TMEM135: variants seen among roughly 807,000 people sequenced by gnomAD.
The protein encoded by TMEM135 is peroxisomal membrane protein 52.
In TMEM135, 30 loss-of-function variants were observed where a neutral mutation model predicts 60.3. The ratio of observed to expected loss-of-function variants is 0.50; its 90% confidence interval spans 0.37 to 0.68. TMEM135 has a LOEUF of 0.68. Ranked by LOEUF, TMEM135 falls within the 30% of genes least tolerant of loss-of-function variation. The pLI, the probability that TMEM135 is intolerant of heterozygous loss-of-function variation, is 0.00. For missense variants in TMEM135, 468 were observed against 548.8 expected, an observed-to-expected ratio of 0.85 and a Z score of 1.47; for synonymous variants, 190 against 186.7, an observed-to-expected ratio of 1.02 and a Z score of -0.14.
In TMEM135 at chr11:87,326,860, C is replaced by T. The variant is rs1942919751; in HGVS notation, c.*5527C>T. 1 of 450,190 alleles carries T rather than the reference C, an allele frequency of 2.2e-6. No homozygotes were observed. The highest frequency in any genetic ancestry group is 1.6e-5 in the South Asian group (1 of 63,950). The allele number at this position is 450,190 out of a possible 1,614,324, so 27.9% of individuals were successfully genotyped here. On this transcript the variant is annotated 3_prime_UTR_variant, in exon 15 of 15. Transcript: ENST00000305494. ...TAAGGCTCTCTTCAGAACCAAAGGGCAGGATAAATAAATCTATGAAACTAG... is the reference window on the plus strand; with the variant it reads ...TAAGGCTCTCTTCAGAACCAAAGGGTAGGATAAATAAATCTATGAAACTAG...
At chr11:87,241,828 G>C (rs1350740989) in intron 6 of TMEM135, among the ~76,000 whole-genome samples, 1 of 137,342 alleles carries the variant, frequency 7.3e-6, no homozygotes, top group Non-Finnish European at 1.6e-5. Flanking sequence ...CCATGTTGCT[G>C]CAAATGACAG....
At chr11:87,154,999 A>ATTTT in intron 4 of TMEM135, among the ~76,000 whole-genome samples, 1 of 68,912 alleles carries the variant, frequency 1.5e-5, no homozygotes, top group South Asian at 5.6e-4. Flanking sequence ...TTATTTATTT[A>ATTTT]TTTATTTATT....
At chr11:87,244,765 C>G (rs1159618210) in intron 6 of TMEM135, among the ~76,000 whole-genome samples, 2 of 147,586 alleles carry the variant, frequency 1.4e-5, no homozygotes, top group African/African-American at 5.1e-5. Context: ...GTCTTGCTAG[C>G]GGTCTATCAA....
intron 5 of TMEM135, among the ~76,000 whole-genome samples, chr11:87,234,115 G>C (rs1472593896): frequency 6.6e-6 from 1 of 151,818 alleles, no homozygotes; most frequent in Admixed American, 6.6e-5. Context: ...TCCTTCCAGG[G>C]GCTCTATGCA....
At chr11:87,195,385 C>CTCTCTCTCTCT (rs1386243376) in intron 5 of TMEM135, among the ~76,000 whole-genome samples, 10 of 91,502 alleles carry the variant, frequency 1.1e-4, no homozygotes, top group African/African-American at 2.8e-4. Flanking sequence ...TTCCTTCCTT[C>CTCTCTCTCTCT]CTTCCTTCTC....
intron 4 of TMEM135, among the ~76,000 whole-genome samples, chr11:87,119,059 C>T (rs919190130): frequency 4.6e-5 from 7 of 152,214 alleles, no homozygotes; most frequent in Non-Finnish European, 2.9e-5. Context: ...CCTTTGAGAA[C>T]TTTCCTTTGC....
intron 5 of TMEM135, among the ~76,000 whole-genome samples, chr11:87,222,434 G>C: frequency 6.7e-6 from 1 of 149,898 alleles, no homozygotes; most frequent in South Asian, 2.1e-4. Flanking sequence ...GGGGGGCTGA[G>C]CTTGCAGTGA....
At chr11:87,147,891 A>G (rs996850176) in intron 4 of TMEM135, among the ~76,000 whole-genome samples, 1 of 152,102 alleles carries the variant, frequency 6.6e-6, no homozygotes, top group Non-Finnish European at 1.5e-5. Context: ...CCGAGTAGCC[A>G]GGACTACAGG....
At chr11:87,135,410 A>G (rs1046356384) in intron 4 of TMEM135, among the ~76,000 whole-genome samples, 5 of 151,906 alleles carry the variant, frequency 3.3e-5, no homozygotes, top group South Asian at 2.1e-4. Flanking sequence ...TTTTGTGTAA[A>G]GTATCGATCA....
At chr11:87,178,746 C>T (rs1272254062) in intron 5 of TMEM135, among the ~76,000 whole-genome samples, 1 of 151,924 alleles carries the variant, frequency 6.6e-6, no homozygotes, top group African/African-American at 2.4e-5. Flanking sequence ...TTTTGAGGTT[C>T]ATTCATATCA....
chr11:87,328,297 G>A lies in TMEM135; in HGVS notation c.*6964G>A, dbSNP rs1288215123. The A allele has an allele frequency of 4.4e-6, 2 of 453,836 alleles. No individual in the cohort carries two copies. The highest frequency in any genetic ancestry group is 4.7e-5 in the Admixed American group (2 of 42,546). The allele number at this position is 453,836 out of a possible 1,614,324, so 28.1% of individuals were successfully genotyped here. ...TGTCAATCTCGTCTTTGAAGGTTTTGCTCATCTTTAAAAAATCTTAGTTGA... is the reference window on the plus strand; with the variant it reads ...TGTCAATCTCGTCTTTGAAGGTTTTACTCATCTTTAAAAAATCTTAGTTGA... On this transcript the variant is annotated 3_prime_UTR_variant, in exon 15 of 15. Coordinates refer to ENST00000305494, the MANE Select transcript of TMEM135 (RefSeq NM_022918.4).
chr11:87,038,499 A>C (rs1949723115), intron 1 of TMEM135, among the ~76,000 whole-genome samples: 2 of 151,832 alleles, frequency 1.3e-5, no homozygotes, highest in Non-Finnish European at 2.9e-5. Flanking sequence ...TTCAAAGACC[A>C]GCCTTATTTT....
intron 1 of TMEM135, among the ~76,000 whole-genome samples, chr11:87,065,163 G>A (rs113045924): frequency 3.3e-5 from 5 of 152,190 alleles, no homozygotes; most frequent in African/African-American, 1.2e-4. Context: ...TCCTTCACAG[G>A]TTTTTGTATA....
intron 4 of TMEM135, among the ~76,000 whole-genome samples, chr11:87,122,230 A>G (rs1336389014): frequency 3.3e-5 from 5 of 151,402 alleles, no homozygotes; most frequent in Middle Eastern, 3.5e-3. Context: ...CAGCTTCCCC[A>G]TAACAATGAC....
intron 12 of TMEM135, among the ~76,000 whole-genome samples, chr11:87,316,943 T>C (rs1942743263): frequency 6.6e-6 from 1 of 151,908 alleles, no homozygotes; most frequent in Admixed American, 6.6e-5. Flanking sequence ...GTGGAATTCA[T>C]TGCTCTGGTA....
At chr11:87,284,669 AAAT>A (rs766567929) in intron 6 of TMEM135, among the ~76,000 whole-genome samples, 1 of 152,238 alleles carries the variant, frequency 6.6e-6, no homozygotes. Context: ...TCAGAATAGA[AAAT>A]AATATTTTTA....
intron 4 of TMEM135, among the ~76,000 whole-genome samples, chr11:87,120,547 C>G (rs943520993): frequency 2.8e-5 from 4 of 143,456 alleles, no homozygotes; most frequent in African/African-American, 1.0e-4. Flanking sequence ...TCTCGGCTCA[C>G]TGCAACCTCC....
rs374773655 is a variant in TMEM135, at chr11:87,157,324, T to C, written c.397-17T>C. On this transcript the variant is annotated splice_polypyrimidine_tract_variant and intron_variant, in intron 4 of 14. Coordinates refer to ENST00000305494, the MANE Select transcript of TMEM135 (RefSeq NM_022918.4). Reference sequence around the variant, plus strand: ...GTAGATCATATATTTTTGCTGTTTTTTTTTTTTAATTTACAGGCCACAGAA... The same window carrying C: ...GTAGATCATATATTTTTGCTGTTTTCTTTTTTTAATTTACAGGCCACAGAA... 22 of 1,611,542 alleles carry C rather than the reference T, an allele frequency of 1.4e-5. No homozygotes were observed. Among genetic ancestry groups the C allele is most frequent in the Non-Finnish European group, 1.7e-6 (2 of 1,178,520 alleles).
At chr11:87,241,728 T>C (rs992397654) in intron 6 of TMEM135, among the ~76,000 whole-genome samples, 2 of 152,232 alleles carry the variant, frequency 1.3e-5, no homozygotes, top group East Asian at 1.9e-4. Context: ...TCAATTGTCT[T>C]AATTTTTAGC....
Sources: allele counts gnomAD v4.1 joint callset (sites outside exome capture counted in the v4.1 genomes callset), GRCh38; gene constraint gnomAD v4.1.1; transcripts MANE v1.5; gene names NCBI Gene and HGNC (gene_info 2026-07-23, HGNC 2026-07-21).